Variants in FNDC1 observed in about 807,000 individuals in gnomAD.
The protein encoded by FNDC1 is fibronectin type III domain-containing protein 1.
A neutral mutation model predicts 168.0 loss-of-function variants in FNDC1; 96 were observed. That is an observed-to-expected ratio of 0.57 (90% CI 0.48 to 0.68). The LOEUF (loss-of-function observed/expected upper bound fraction) is 0.68. Ranked by LOEUF, FNDC1 falls within the 30% of genes least tolerant of loss-of-function variation. FNDC1 has a pLI of 0.00. For synonymous variants in FNDC1, 1,099 were observed against 1,025.9 expected (o/e 1.07, Z -1.36); for missense variants, 2,587 against 2,482.1 (o/e 1.04, Z -0.90).
chr6:159,182,690 G>C (rs294880), intron 1 of FNDC1, among the ~76,000 whole-genome samples: 60,446 of 152,010 alleles, frequency 0.4, 12,994 homozygotes, highest in Middle Eastern at 0.49. Context: ...TATTCCCAGG[G>C]GAGTGGCTTT....
intron 1 of FNDC1, among the ~76,000 whole-genome samples, chr6:159,170,170 G>T (rs1473558471): frequency 2.0e-5 from 3 of 152,186 alleles, no homozygotes; most frequent in Admixed American, 6.5e-5. Context: ...CTAGAAGGTC[G>T]TGGGGGAAAG....
At chr6:159,172,802 A>G (rs1000626136) in intron 1 of FNDC1, among the ~76,000 whole-genome samples, 3 of 152,234 alleles carry the variant, frequency 2.0e-5, no homozygotes, top group African/African-American at 7.2e-5. Flanking sequence ...AAATTATCCA[A>G]AAAGGCTATT....
intron 4 of FNDC1, among the ~76,000 whole-genome samples, chr6:159,214,260 T>C (rs1285154265): frequency 1.3e-5 from 2 of 152,222 alleles, no homozygotes; most frequent in East Asian, 3.8e-4. Flanking sequence ...ACACTAAGTA[T>C]TGATCACCAG....
At chr6:159,239,159 T>G (rs560236897) in intron 13 of FNDC1, among the ~76,000 whole-genome samples, 1 of 152,362 alleles carries the variant, frequency 6.6e-6, no homozygotes, top group Admixed American at 6.5e-5. Flanking sequence ...ATTGTCTATC[T>G]TCTTTTTTGC....
At chr6:159,246,126 A>G (rs1454909090) in intron 14 of FNDC1, among the ~76,000 whole-genome samples, 1 of 152,256 alleles carries the variant, frequency 6.6e-6, no homozygotes. Flanking sequence ...CTGAAATTTT[A>G]TATTACATTT....
chr6:159,246,036 G>T (rs2115008640), intron 14 of FNDC1, among the ~76,000 whole-genome samples: 1 of 3,238 alleles, frequency 3.1e-4, no homozygotes, highest in Non-Finnish European at 1.4e-3. Context: ...TTACAGGCGT[G>T]AGCCACCGTG....
At chr6:159,193,598 G>A (rs181771115) in intron 1 of FNDC1, among the ~76,000 whole-genome samples, 1 of 152,268 alleles carries the variant, frequency 6.6e-6, no homozygotes, top group Admixed American at 6.5e-5. Context: ...GCTGGACTCA[G>A]GCTTAGTTCT....
chr6:159,197,498 G>A lies in FNDC1; in HGVS notation c.177G>A (p.Trp59Ter), dbSNP rs776792462. Residue 59 changes from tryptophan (W) to a stop codon, truncating the protein, a stop_gained, in exon 2 of 23, where the codon TGG becomes TGA. Transcript: ENST00000297267. LOFTEE classifies it high-confidence loss of function. ...LSTKMGLKVT[W>*]DPPKDATSRP... ...CTAAAATGGGCCTGAAAGTCACGTG[G>A]GACCCACCCAAAGATGCTACCAGTA... 1 of 1,613,914 alleles carries A rather than the reference G, an allele frequency of 6.2e-7. No homozygotes were observed. The highest frequency in any genetic ancestry group is 1.3e-5 in the African/African-American group (1 of 75,038).
At chr6:159,210,533 GA>G (rs1212267707) in intron 4 of FNDC1, among the ~76,000 whole-genome samples, 3 of 152,220 alleles carry the variant, frequency 2.0e-5, no homozygotes, top group Admixed American at 2.0e-4. Flanking sequence ...TTATGGGAGA[GA>G]AAATATGGCA....
Position 159,233,945 on chromosome 6 carries a change from C to G in FNDC1, c.3433C>G (p.Gln1145Glu). The G allele has an allele frequency of 6.4e-7, 1 of 1,564,912 alleles. No homozygotes were observed. The highest frequency in any genetic ancestry group is 8.7e-7 in the Non-Finnish European group (1 of 1,154,930). ...PARPSRPGGP[Q>E]SRARVPSRAA... ...CAGGCCCAGCCGACCCGGCGGCCCC[C>G]AGTCCCGCGCCCGGGTACCCAGCAG... Residue 1145 changes from glutamine (Q) to glutamate (E), a missense_variant, in exon 11 of 23, where the codon CAG (glutamine) becomes GAG (glutamate). Coordinates refer to ENST00000297267, the MANE Select transcript of FNDC1 (RefSeq NM_032532.3). This position sits in a 1 kb window ranked among gnomAD's most constrained non-coding sequence, Gnocchi z 4.6.
chr6:159,214,936 C>G lies in FNDC1; in HGVS notation c.461-9C>G, dbSNP rs1782677389. On this transcript the variant is annotated splice_polypyrimidine_tract_variant and intron_variant, in intron 4 of 22. Coordinates refer to ENST00000297267, the MANE Select transcript of FNDC1 (RefSeq NM_032532.3). ...TGTCTAACCACTTTTGTGTCCTGCC[C>G]TCTTTAAGAAAAGGAAGTGCCCAAC... 1.2e-6 allele frequency: 2 copies of G among 1,613,266 alleles called. No homozygotes were observed. The highest frequency in any genetic ancestry group is 3.3e-5 in the Admixed American group (2 of 60,000).
chr6:159,211,152 G>A (rs911188993), intron 4 of FNDC1, among the ~76,000 whole-genome samples: 1 of 152,222 alleles, frequency 6.6e-6, no homozygotes, highest in African/African-American at 2.4e-5. Flanking sequence ...GGTATTTGAA[G>A]GCCTGTGAGC....
intron 4 of FNDC1, among the ~76,000 whole-genome samples, chr6:159,203,155 C>A (rs1782412869): frequency 6.6e-6 from 1 of 152,178 alleles, no homozygotes; most frequent in South Asian, 2.1e-4. Context: ...TTTAACTCAC[C>A]TCTTTGAAGA....
intron 14 of FNDC1, among the ~76,000 whole-genome samples, chr6:159,241,822 G>A (rs1006325740): frequency 6.6e-6 from 1 of 151,934 alleles, no homozygotes; most frequent in South Asian, 2.1e-4. Context: ...CATACATGTC[G>A]ATGAGTTTGG....
At chr6:159,193,921 T>C (rs1238201102) in intron 1 of FNDC1, among the ~76,000 whole-genome samples, 1 of 152,224 alleles carries the variant, frequency 6.6e-6, no homozygotes, top group Non-Finnish European at 1.5e-5. Context: ...AGCCTGGCAA[T>C]TGCTGGGTAT....
At chr6:159,191,872 C>CT (rs933606146) in intron 1 of FNDC1, among the ~76,000 whole-genome samples, 19 of 150,854 alleles carry the variant, frequency 1.3e-4, no homozygotes, top group African/African-American at 3.4e-4. Context: ...ATTAGTCGTG[C>CT]TTTTTTTTTG....
At chr6:159,182,973 G>A (rs375007306) in intron 1 of FNDC1, among the ~76,000 whole-genome samples, 5 of 152,228 alleles carry the variant, frequency 3.3e-5, no homozygotes, top group African/African-American at 7.2e-5. Flanking sequence ...TGCTGTGTGC[G>A]GAGGGAGAAT....
chr6:159,221,488 G>A (rs771084034), intron 5 of FNDC1, 110 bp from the exon 6 acceptor site: 29 of 833,902 alleles, frequency 3.5e-5, no homozygotes, highest in Non-Finnish European at 5.4e-5. Context: ...AAGAGGAAAC[G>A]GAAAAAGGGG....
chr6:159,250,434 T>TA (rs1777229062), intron 16 of FNDC1, among the ~76,000 whole-genome samples: 1 of 152,232 alleles, frequency 6.6e-6, no homozygotes, highest in Non-Finnish European at 1.5e-5. Context: ...CACCAAAAGA[T>TA]ACAGTGGAAT....
Sources: allele counts gnomAD v4.1 joint callset (sites outside exome capture counted in the v4.1 genomes callset), GRCh38; gene constraint gnomAD v4.1.1; non-coding constraint Gnocchi (gnomAD v3.1); transcripts MANE v1.5; gene names NCBI Gene and HGNC (gene_info 2026-07-23, HGNC 2026-07-21).